Variants in CLPB observed in about 807,000 individuals in gnomAD.
CLPB encodes mitochondrial disaggregase.
CLPB carries 40 observed loss-of-function variants against 78.4 expected under a neutral mutation model. The observed-to-expected ratio is 0.51, with a 90% CI of 0.40 to 0.66. CLPB has a LOEUF of 0.66. CLPB is among the 30% of genes least tolerant of loss of function. The pLI is 0.00. For missense variants in CLPB, 780 were observed against 886.9 expected, an observed-to-expected ratio of 0.88 and a Z score of 1.53; for synonymous variants, 333 against 348.0, an observed-to-expected ratio of 0.96 and a Z score of 0.48.
At chr11:72,316,254 T>C (rs1472838899) in intron 7 of CLPB, among the ~76,000 whole-genome samples, 4 of 152,188 alleles carry the variant, frequency 2.6e-5, no homozygotes, top group Admixed American at 6.5e-5. Context: ...TCCACAGGTA[T>C]GGAATAAGCC....
intron 4 of CLPB, among the ~76,000 whole-genome samples, chr11:72,365,617 A>C (rs1424955383): frequency 2.6e-5 from 4 of 152,212 alleles, no homozygotes; most frequent in Non-Finnish European, 5.9e-5. Flanking sequence ...TCCTAAGCAA[A>C]AGAACAAAGC....
At chr11:72,416,561 C>G (rs1236788258) in intron 2 of CLPB, among the ~76,000 whole-genome samples, 1 of 151,646 alleles carries the variant, frequency 6.6e-6, no homozygotes, top group Non-Finnish European at 1.5e-5. Flanking sequence ...CATAGTGAAA[C>G]CCCGTCTCTA....
At chr11:72,433,544 T>G (rs1281645867) in intron 1 of CLPB, among the ~76,000 whole-genome samples, 3 of 67,018 alleles carry the variant, frequency 4.5e-5, no homozygotes, top group Non-Finnish European at 8.1e-5. Flanking sequence ...ATCTCAGAAA[T>G]AAATAAATAA....
chr11:72,350,490 T>A (rs960817025), intron 5 of CLPB, among the ~76,000 whole-genome samples: 1 of 152,242 alleles, frequency 6.6e-6, no homozygotes, highest in African/African-American at 2.4e-5. Context: ...AGCTAGCAAT[T>A]TAGCTAATAA....
At chr11:72,307,328 T>G in intron 8 of CLPB, 74 bp from the exon 9 acceptor site, 1 of 1,204,170 alleles carries the variant, frequency 8.3e-7, no homozygotes, top group Non-Finnish European at 1.2e-6. Context: ...ATACTAGAAA[T>G]GCACGGACAC....
At chr11:72,433,592 T>C (rs1565107232) in intron 1 of CLPB, among the ~76,000 whole-genome samples, 1 of 148,252 alleles carries the variant, frequency 6.7e-6, no homozygotes, top group Non-Finnish European at 1.5e-5. Context: ...AATAAATAAA[T>C]TGAGGTCAAG....
At chr11:72,405,815 C>A (rs1300156711) in intron 2 of CLPB, among the ~76,000 whole-genome samples, 1 of 152,066 alleles carries the variant, frequency 6.6e-6, no homozygotes, top group Admixed American at 6.6e-5. Context: ...GTAGTCCCAG[C>A]TACTCAAGAG....
intron 3 of CLPB, among the ~76,000 whole-genome samples, chr11:72,401,034 C>G (rs1234458161): frequency 6.6e-6 from 1 of 152,212 alleles, no homozygotes; most frequent in Admixed American, 6.5e-5. Flanking sequence ...TAATTAATTT[C>G]TGATGAAGAA....
chr11:72,297,576 C>CA (rs1162396744), intron 11 of CLPB, among the ~76,000 whole-genome samples: 1 of 151,636 alleles, frequency 6.6e-6, no homozygotes, highest in African/African-American at 2.4e-5. Flanking sequence ...ACTCTTACCC[C>CA]ACTGCTTATG....
At chr11:72,425,111 T>C (rs746557876) in intron 2 of CLPB, among the ~76,000 whole-genome samples, 1 of 152,190 alleles carries the variant, frequency 6.6e-6, no homozygotes, top group Non-Finnish European at 1.5e-5. Flanking sequence ...TTTTTCCCTT[T>C]AAAAACACAC....
In CLPB at chr11:72,301,962, C is replaced by T. The variant is rs1327817531; in HGVS notation, c.1170G>A (p.Val390=). Residue 390 remains valine (V), a splice_region_variant and synonymous_variant, in exon 11 of 16, where the codon GTG becomes GTA. Coordinates refer to ENST00000538039, the MANE Select transcript of CLPB (RefSeq NM_001258392.3). ...CTGGTGGAGACCCAATAAACTTGGCCACCTGGTAGAAGGAAGGAAACATGC... is the reference window on the plus strand; with the variant it reads ...CTGGTGGAGACCCAATAAACTTGGCTACCTGGTAGAAGGAAGGAAACATGC... The part of the protein sequence containing the change: ...DMSEFQERHE[V]AKFIGSPPGY... 3.1e-6 allele frequency: 5 copies of T among 1,613,574 alleles called. No homozygotes were observed. In the South Asian group the frequency reaches 5.5e-5, roughly 18 times the overall value.
chr11:72,317,111 C>G lies in CLPB; in HGVS notation c.983G>C (p.Gly328Ala). Reference protein sequence around the residue: ...IGQESAIATVGAAIRRKENGW... With the variant: ...IGQESAIATVAAAIRRKENGW... ...CTGGTGTCCCACACACTCACCAGCA[C>G]CCACTGTGGCGATGGCGCTCTCCTG... is the stretch of plus-strand genomic sequence containing the variant. The change falls in exon 7 of 16, where the codon GGT becomes GCT. Residue 328 changes from glycine to alanine, a missense_variant. Physicochemically the swap from Gly to Ala is moderately conservative, Grantham distance 60. Around this residue, in one of 3 missense-constraint regions of CLPB, gnomAD observed 91 missense variants for 168.2 expected, o/e 0.54. Coordinates refer to ENST00000538039, the MANE Select transcript of CLPB (RefSeq NM_001258392.3). 2 of 1,609,132 alleles carry G rather than the reference C, an allele frequency of 1.2e-6. No individual in the cohort carries two copies. The highest frequency in any genetic ancestry group is 1.7e-6 in the Non-Finnish European group (2 of 1,178,062).
chr11:72,318,475 G>A (rs776252250), intron 6 of CLPB, among the ~76,000 whole-genome samples: 84 of 152,114 alleles, frequency 5.5e-4, no homozygotes, highest in Non-Finnish European at 1.0e-3. Flanking sequence ...ATCTTGAAAT[G>A]GAAAGGAATG....
rs1565421175 is a variant in CLPB, at chr11:72,297,641, GTGTGT to G, written c.1330-1998_1330-1994del. Reference sequence around the variant, plus strand: ...AGTTCTAGTTTTGGGGACCAGGTGTGTGTGTGTGTGTGTGTGTGTGTGTGTGTGTG... The same window carrying G: ...AGTTCTAGTTTTGGGGACCAGGTGTGGTGTGTGTGTGTGTGTGTGTGTGTG... On this transcript the variant is annotated intron_variant, in intron 11 of 15. Transcript: ENST00000538039. Among the ~76,000 whole-genome samples the G allele has an allele frequency of 3.3e-4, 12 of 35,926 alleles. No homozygotes were observed. In the African/African-American group the frequency reaches 4.0e-3, roughly 12 times the overall value. The allele number at this position is 35,926 out of a possible 152,430, so 23.6% of individuals were successfully genotyped here.
chr11:72,350,234 CA>C (rs1950590378), intron 5 of CLPB, among the ~76,000 whole-genome samples: 1 of 151,778 alleles, frequency 6.6e-6, no homozygotes, highest in Admixed American at 6.5e-5. Context: ...GCTGCAGATA[CA>C]ATACCACAGA....
In CLPB at chr11:72,329,804, C is replaced by T. The variant is rs543347319; in HGVS notation, c.776G>A (p.Gly259Glu). 11 of 1,612,234 alleles carry T rather than the reference C, an allele frequency of 6.8e-6. No homozygotes were observed. In the South Asian group the frequency reaches 1.1e-4, roughly 16 times the overall value. The change falls in exon 6 of 16, where the codon GGA becomes GAA. Residue 259 changes from glycine (G) to glutamate (E), a missense_variant and splice_region_variant. Physicochemically the swap from Gly to Glu is moderately conservative, Grantham distance 98. Around this residue, in one of 3 missense-constraint regions of CLPB, gnomAD observed 417 missense variants for 414.7 expected, o/e 1.01. Coordinates refer to ENST00000538039, the MANE Select transcript of CLPB (RefSeq NM_001258392.3). ...YRTVKELLDGGANPLQRNEMG... is the reference protein window; with the variant it reads ...YRTVKELLDGEANPLQRNEMG... ...TTCATTCCTCTGCAGGGGGTTGGCT[C>T]CTGGCAAGAGAAGAAGGATAAACAG...
rs1039842886 is a variant in CLPB, at chr11:72,312,875, G to A, written c.988+4231C>T. Among the ~76,000 whole-genome samples, 1 of 152,202 alleles carries A rather than the reference G, an allele frequency of 6.6e-6. No homozygotes were observed. Among genetic ancestry groups the A allele is most frequent in the Non-Finnish European group, 1.5e-5 (1 of 68,024 alleles). Reference sequence around the variant, plus strand: ...TCCAAACGGGATGGGTGCACAGAGGGAAGTATGGGAAGAGCCATTTGTGCT... The same window carrying A: ...TCCAAACGGGATGGGTGCACAGAGGAAAGTATGGGAAGAGCCATTTGTGCT... On this transcript the variant is annotated intron_variant, in intron 7 of 15. Coordinates refer to ENST00000538039, the MANE Select transcript of CLPB (RefSeq NM_001258392.3). This position sits in a 1 kb window ranked among gnomAD's most constrained non-coding sequence, Gnocchi z 4.2.
chr11:72,371,344 A>G (rs1331252401), intron 4 of CLPB, among the ~76,000 whole-genome samples: 1 of 151,994 alleles, frequency 6.6e-6, no homozygotes, highest in African/African-American at 2.4e-5. Context: ...AGCCTGGGCA[A>G]CATGGTGAAA....
At chr11:72,329,107 T>A (rs1159860562) in intron 6 of CLPB, among the ~76,000 whole-genome samples, 1 of 152,246 alleles carries the variant, frequency 6.6e-6, no homozygotes, top group African/African-American at 2.4e-5. Context: ...GTCCAGTAGT[T>A]CCTGAGTTAC....
Sources: gnomAD v4.1 joint callset for allele counts (sites outside exome capture counted in the v4.1 genomes callset) on GRCh38, gnomAD v4.1.1 for gene constraint, gnomAD v4.1.1 regional missense constraint, Gnocchi (gnomAD v3.1) non-coding constraint, MANE v1.5 for transcripts, NCBI Gene and HGNC (gene_info 2026-07-23, HGNC 2026-07-21) for gene names.